Variants in FSAF1 observed in about 807,000 individuals in gnomAD.
FSAF1 encodes the protein 40S small subunit processome assembly factor 1.
the FSAF1 span, among the ~76,000 whole-genome samples, chr1:231,227,585 G>GTTTTTTTTT: frequency 2.0e-5 from 2 of 102,120 alleles, no homozygotes; most frequent in Non-Finnish European, 3.8e-5. Context: ...CTCGCCCACG[G>GTTTTTTTTT]TTTTTTTTTT....
the FSAF1 span, chr1:231,239,007 A>T: frequency 6.2e-7 from 1 of 1,614,162 alleles, no homozygotes. Context: ...CAGAAGGAGC[A>T]CAATGCCGCT....
the FSAF1 span, chr1:231,224,603 A>C: frequency 1.8e-6 from 1 of 547,188 alleles, no homozygotes; most frequent in South Asian, 3.0e-5. Flanking sequence ...GGGCCCTTGC[A>C]CTGGTTTCTT....
the FSAF1 span, chr1:231,224,672 C>T: frequency 2.3e-6 from 1 of 438,780 alleles, no homozygotes; most frequent in South Asian, 4.9e-5. Context: ...TTGTTCAGTT[C>T]TCAGCTCCGA....
chr1:231,229,043 C>G, the FSAF1 span: 1 of 667,186 alleles, frequency 1.5e-6, no homozygotes, highest in Non-Finnish European at 2.5e-6. Context: ...ACATAGTTTG[C>G]ATGTTATGTT....
the FSAF1 span, among the ~76,000 whole-genome samples, chr1:231,233,181 T>C: frequency 0.015 from 2,237 of 152,270 alleles, 60 homozygotes; most frequent in African/African-American, 0.051. Flanking sequence ...TGACTATAAC[T>C]TGCAAGAAAT....
chr1:231,234,374 C>T, the FSAF1 span, among the ~76,000 whole-genome samples: 1 of 152,212 alleles, frequency 6.6e-6, no homozygotes, highest in Non-Finnish European at 1.5e-5. The surrounding 1 kb of genome is among the most constrained non-coding windows in gnomAD (Gnocchi z 4.0). Context: ...CTGAGCAACA[C>T]ACAGGTGTGT....
At chr1:231,226,638 G>A in the FSAF1 span, 1 of 1,053,474 alleles carries the variant, frequency 9.5e-7, no homozygotes, top group Non-Finnish European at 1.5e-6. Flanking sequence ...TAACTCTGGT[G>A]CCTTCATTGC....
chr1:231,233,157 C>T, the FSAF1 span, among the ~76,000 whole-genome samples: 755 of 152,254 alleles, frequency 5.0e-3, 11 homozygotes, highest in African/African-American at 0.018. Context: ...ATTTGGGGAA[C>T]GATCAAAGCT....
the FSAF1 span, among the ~76,000 whole-genome samples, chr1:231,230,016 TACC>T: frequency 3.3e-5 from 5 of 152,312 alleles, no homozygotes; most frequent in South Asian, 8.3e-4. Flanking sequence ...ATGTATATTT[TACC>T]ACAATTAAAA....
At chr1:231,225,337 G>C in the FSAF1 span, 1 of 791,910 alleles carries the variant, frequency 1.3e-6, no homozygotes, top group East Asian at 2.5e-5. Flanking sequence ...ATCCTACTTT[G>C]ACAAGGATAA....
chr1:231,238,852 A>T, the FSAF1 span: 1 of 1,607,842 alleles, frequency 6.2e-7, no homozygotes, highest in Non-Finnish European at 8.5e-7. Flanking sequence ...TAACCAACTC[A>T]TTACCTTTGT....
At chr1:231,234,479 A>AT in the FSAF1 span, among the ~76,000 whole-genome samples, 2 of 152,104 alleles carry the variant, frequency 1.3e-5, no homozygotes, top group Non-Finnish European at 2.9e-5. The surrounding 1 kb of genome is among the most constrained non-coding windows in gnomAD (Gnocchi z 4.0). Flanking sequence ...TTGCCCATTC[A>AT]TTTTTTTGAG....
the FSAF1 span, chr1:231,224,549 G>A: frequency 6.1e-5 from 49 of 802,118 alleles, 1 homozygote; most frequent in South Asian, 8.0e-4. Flanking sequence ...CACCCCATAC[G>A]CCTTCCTGTG....
the FSAF1 span, among the ~76,000 whole-genome samples, chr1:231,236,404 A>C: frequency 2.6e-5 from 4 of 152,202 alleles, no homozygotes; most frequent in African/African-American, 9.7e-5. Context: ...GGCAGAGAGC[A>C]GCAATGACAA....
At chr1:231,239,122 A>G in the FSAF1 span, 1 of 1,610,422 alleles carries the variant, frequency 6.2e-7, no homozygotes, top group Non-Finnish European at 8.5e-7. Flanking sequence ...TGAAGCCATC[A>G]CATCTCTCTT....
At chr1:231,230,514 C>T in the FSAF1 span, among the ~76,000 whole-genome samples, 1 of 152,186 alleles carries the variant, frequency 6.6e-6, no homozygotes, top group Non-Finnish European at 1.5e-5. Context: ...TATCTCCTGC[C>T]CTACCTGCCA....
chr1:231,232,717 A>G, the FSAF1 span, among the ~76,000 whole-genome samples: 3 of 152,220 alleles, frequency 2.0e-5, no homozygotes, highest in African/African-American at 7.2e-5. Flanking sequence ...GAAAAGCTAG[A>G]AAAAGAAAGA....
the FSAF1 span, among the ~76,000 whole-genome samples, chr1:231,239,459 T>G: frequency 6.6e-6 from 1 of 152,358 alleles, no homozygotes; most frequent in South Asian, 2.1e-4. Flanking sequence ...CAAAGTGTCA[T>G]CACAGCAATA....
At chr1:231,236,716 T>C in the FSAF1 span, 1 of 152,240 alleles carries the variant, frequency 6.6e-6, no homozygotes, top group African/African-American at 2.4e-5. Flanking sequence ...AAATGCTTTA[T>C]GTTAGTTGAA....
Sources: allele counts gnomAD v4.1 joint callset (sites outside exome capture counted in the v4.1 genomes callset), GRCh38; gene constraint gnomAD v4.1.1; non-coding constraint Gnocchi (gnomAD v3.1); transcripts MANE v1.5; gene names NCBI Gene and HGNC (gene_info 2026-07-23, HGNC 2026-07-21).